ANKIB1: variants seen among roughly 807,000 people sequenced by gnomAD.
ANKIB1 encodes ankyrin repeat and IBR domain containing 1.
In ANKIB1, 43 loss-of-function variants were observed where a neutral mutation model predicts 122.1. The observed-to-expected ratio is 0.35, with a 90% confidence interval of 0.28 to 0.45. ANKIB1 has a LOEUF of 0.45. Among genes scored for constraint, ANKIB1 ranks in the 20% least tolerant of loss-of-function variants. ANKIB1 has a pLI of 1.00. For synonymous variants in ANKIB1, 390 were observed against 442.0 expected (o/e 0.88, Z 1.48); for missense variants, 992 against 1,329.5 (o/e 0.75, Z 3.95).
At chr7:92,395,277 A>G (rs1435850987) in intron 17 of ANKIB1, among the ~76,000 whole-genome samples, 1 of 152,178 alleles carries the variant, frequency 6.6e-6, no homozygotes, top group African/African-American at 2.4e-5. Context: ...TGTTCATCCC[A>G]TATGCTAAAT....
intron 2 of ANKIB1, among the ~76,000 whole-genome samples, chr7:92,307,100 T>G (rs1256113102): frequency 6.6e-6 from 1 of 152,190 alleles, no homozygotes; most frequent in Non-Finnish European, 1.5e-5. Context: ...TTCTTCCTTT[T>G]CCCTTCCTTT....
chr7:92,251,218 G>A (rs1801323977), intron 1 of ANKIB1, among the ~76,000 whole-genome samples: 1 of 152,154 alleles, frequency 6.6e-6, no homozygotes, highest in South Asian at 2.1e-4. Flanking sequence ...CTACAAAGAT[G>A]AGTAAGTCAA....
At chr7:92,383,505 A>G (rs893380717) in intron 11 of ANKIB1, among the ~76,000 whole-genome samples, 1 of 152,234 alleles carries the variant, frequency 6.6e-6, no homozygotes, top group Non-Finnish European at 1.5e-5. Context: ...AATACTGGCA[A>G]ACCAAATCCA....
At chr7:92,392,108 T>C in intron 16 of ANKIB1, 133 bp from the exon 17 acceptor site, 4 of 560,870 alleles carry the variant, frequency 7.1e-6, no homozygotes, top group Non-Finnish European at 9.1e-6. Context: ...AATTCTGTTT[T>C]AATAGTTGAT....
At chr7:92,391,892 A>G (rs1370611968) in intron 16 of ANKIB1, among the ~76,000 whole-genome samples, 1 of 152,168 alleles carries the variant, frequency 6.6e-6, no homozygotes, top group Non-Finnish European at 1.5e-5. Context: ...TATAATAACT[A>G]TAAGCATTAA....
At chr7:92,363,905 C>A (rs1269271070) in intron 10 of ANKIB1, among the ~76,000 whole-genome samples, 1 of 152,148 alleles carries the variant, frequency 6.6e-6, no homozygotes, top group South Asian at 2.1e-4. Context: ...TCACTTGTTG[C>A]GAAGGCTTCA....
chr7:92,329,213 C>T (rs1005205803), intron 5 of ANKIB1, among the ~76,000 whole-genome samples: 14 of 152,040 alleles, frequency 9.2e-5, no homozygotes, highest in Admixed American at 3.9e-4. Flanking sequence ...GTGATCCACC[C>T]CCTCGCCCTC....
At chr7:92,387,661 T>A (rs1218987130) in intron 12 of ANKIB1, 137 bp from the exon 13 acceptor site, 1 of 651,480 alleles carries the variant, frequency 1.5e-6, no homozygotes, top group Non-Finnish European at 2.6e-6. Flanking sequence ...AGTATTGTTT[T>A]TCTGTCAAGA....
At chr7:92,378,012 A>G (rs1804423203) in intron 11 of ANKIB1, among the ~76,000 whole-genome samples, 1 of 152,178 alleles carries the variant, frequency 6.6e-6, no homozygotes, top group African/African-American at 2.4e-5. Context: ...TATCTGCTTC[A>G]CAAGATTATA....
intron 9 of ANKIB1, among the ~76,000 whole-genome samples, chr7:92,353,784 CTTTA>C (rs573575189): frequency 2.1e-4 from 32 of 152,282 alleles, no homozygotes; most frequent in African/African-American, 6.7e-4. Context: ...TTTCATGTCA[CTTTA>C]TTTATGTATT....
chr7:92,326,348 A>G (rs1803027317), intron 4 of ANKIB1, among the ~76,000 whole-genome samples: 1 of 152,206 alleles, frequency 6.6e-6, no homozygotes, highest in African/African-American at 2.4e-5. Flanking sequence ...TTGCACTGTC[A>G]TTCTCTCGAT....
At chr7:92,264,767 A>G (rs572822947) in intron 1 of ANKIB1, among the ~76,000 whole-genome samples, 5 of 152,238 alleles carry the variant, frequency 3.3e-5, no homozygotes, top group Non-Finnish European at 5.9e-5. Context: ...GCTAGGTGCT[A>G]TTGTTACACC....
chr7:92,314,959 G>A (rs1167472784), intron 3 of ANKIB1, among the ~76,000 whole-genome samples: 1 of 151,878 alleles, frequency 6.6e-6, no homozygotes, highest in Admixed American at 6.6e-5. Flanking sequence ...ACATTGTGAA[G>A]AACTGTTAGC....
chr7:92,279,212 C>T lies in ANKIB1; in HGVS notation c.-90-15677C>T, dbSNP rs557865104. Among the ~76,000 whole-genome samples the T allele has an allele frequency of 5.3e-5, 8 of 152,280 alleles. No homozygotes were observed. In the East Asian group the frequency reaches 5.8e-4, roughly 11 times the overall value. On this transcript the variant is annotated intron_variant, in intron 1 of 19. Coordinates refer to ENST00000265742, the MANE Select transcript of ANKIB1 (RefSeq NM_019004.2). ...ATGTTCACTTGCCCGCTGCTCACCT[C>T]GTGCTGTGTGGCCTGGTTCCTAACA...
At chr7:92,341,123 G>C (rs895490841) in intron 5 of ANKIB1, among the ~76,000 whole-genome samples, 2 of 151,908 alleles carry the variant, frequency 1.3e-5, no homozygotes, top group African/African-American at 4.8e-5. Context: ...TGGGCAACAT[G>C]GTGAAACCCT....
intron 14 of ANKIB1, among the ~76,000 whole-genome samples, chr7:92,388,336 G>A (rs1804711275): frequency 6.6e-6 from 1 of 152,228 alleles, no homozygotes; most frequent in Non-Finnish European, 1.5e-5. Context: ...GTTGGGAAAA[G>A]TGGATGGGTA....
intron 13 of ANKIB1, 23 bp from the exon 14 acceptor site, chr7:92,387,952 A>G (rs1423769713): frequency 6.3e-7 from 1 of 1,597,008 alleles, no homozygotes; most frequent in African/African-American, 1.3e-5. Context: ...AATGGTTTAA[A>G]TTCTTTATTT....
chr7:92,364,046 A>G (rs965629874), intron 10 of ANKIB1, among the ~76,000 whole-genome samples: 2 of 152,068 alleles, frequency 1.3e-5, no homozygotes, highest in East Asian at 1.9e-4. Context: ...AATGGCTCAC[A>G]TCTGTAATCC....
chr7:92,305,304 G>C (rs1802538520), intron 2 of ANKIB1, among the ~76,000 whole-genome samples: 2 of 152,182 alleles, frequency 1.3e-5, no homozygotes, highest in Admixed American at 1.3e-4. Context: ...CTGGGACCAC[G>C]TTCTTAACCA....
Sources: gnomAD v4.1 joint callset for allele counts (sites outside exome capture counted in the v4.1 genomes callset) on GRCh38, gnomAD v4.1.1 for gene constraint, MANE v1.5 for transcripts, NCBI Gene and HGNC (gene_info 2026-07-23, HGNC 2026-07-21) for gene names.